CEMIP: variants seen among roughly 807,000 people sequenced by gnomAD.
The protein encoded by CEMIP is cell migration inducing hyaluronidase 1.
A neutral mutation model predicts 156.9 loss-of-function variants in CEMIP; 105 were observed. That is an observed-to-expected ratio of 0.67 (90% CI 0.57 to 0.79). The LOEUF (loss-of-function observed/expected upper bound fraction) is 0.79, where lower values mean the gene tolerates loss of function less well. Among genes scored for constraint, CEMIP ranks in the 30% least tolerant of loss-of-function variants. The pLI is 0.00. For synonymous variants in CEMIP, 676 were observed against 668.4 expected (o/e 1.01, Z -0.17); for missense variants, 1,457 against 1,769.4 (o/e 0.82, Z 3.17).
chr15:80,838,924 C>G (rs1181309915), intron 1 of CEMIP, among the ~76,000 whole-genome samples: 2 of 152,204 alleles, frequency 1.3e-5, no homozygotes, highest in South Asian at 2.1e-4. Context: ...GCCCTGCTTT[C>G]CCTGGACAGC....
chr15:80,914,322 A>C (rs1900181353), intron 14 of CEMIP, among the ~76,000 whole-genome samples: 1 of 152,160 alleles, frequency 6.6e-6, no homozygotes, highest in African/African-American at 2.4e-5. Flanking sequence ...AGAGAATGGG[A>C]GAAGATACCA....
At chr15:80,816,726 G>A (rs1287366487) in intron 1 of CEMIP, among the ~76,000 whole-genome samples, 1 of 152,130 alleles carries the variant, frequency 6.6e-6, no homozygotes, top group Non-Finnish European at 1.5e-5. Context: ...TGGGTCTCAG[G>A]ACGGGCACTG....
At chr15:80,859,545 T>A (rs1171198234) in intron 1 of CEMIP, among the ~76,000 whole-genome samples, 1 of 152,252 alleles carries the variant, frequency 6.6e-6, no homozygotes, top group East Asian at 1.9e-4. Flanking sequence ...ACAAGGCCCT[T>A]GTTTCCAGTT....
At chr15:80,928,756 T>C in intron 19 of CEMIP, 146 bp from the exon 20 acceptor site, 1 of 1,021,318 alleles carries the variant, frequency 9.8e-7, no homozygotes, top group Non-Finnish European at 1.5e-6. Flanking sequence ...CACAACTCCC[T>C]GAGCACGACT....
chr15:80,887,836 A>G, intron 8 of CEMIP, 72 bp downstream of exon 8: 1 of 1,249,282 alleles, frequency 8.0e-7, no homozygotes, highest in Non-Finnish European at 1.2e-6. Context: ...GGCTTTTCTG[A>G]ACATCTCACT....
chr15:80,871,239 C>A (rs149570288), intron 1 of CEMIP, among the ~76,000 whole-genome samples: 2 of 152,204 alleles, frequency 1.3e-5, no homozygotes, highest in Non-Finnish European at 2.9e-5. Flanking sequence ...CAAGAAGGCA[C>A]GGATGACCCC....
intron 14 of CEMIP, among the ~76,000 whole-genome samples, chr15:80,918,836 C>G (rs1394269445): frequency 6.6e-6 from 1 of 152,040 alleles, no homozygotes; most frequent in Non-Finnish European, 1.5e-5. Flanking sequence ...TGGGATTGGA[C>G]AGGGGGGTGG....
At chr15:80,839,289 A>AGAGTGTGTGTGTGTGT (rs1555429516) in intron 1 of CEMIP, among the ~76,000 whole-genome samples, 14 of 131,188 alleles carry the variant, frequency 1.1e-4, no homozygotes, top group African/African-American at 4.0e-4. Context: ...CAAGGCCGTG[A>AGAGTGTGTGTGTGTGT]GTGTGTGTGT....
rs1899598600 is a variant in CEMIP at position 80,902,305 on chromosome 15, C to A, written c.1412-4358C>A. Among the ~76,000 whole-genome samples the A allele has an allele frequency of 4.6e-5, 7 of 152,226 alleles. No individual in the cohort carries two copies. In the South Asian group the frequency reaches 1.4e-3, roughly 32 times the overall value. On this transcript the variant is annotated intron_variant, in intron 12 of 29. Transcript: ENST00000394685. ...GCTTCCCAGGCCTCCTCCCCGCTCACCCAGGTGCTCATGGCTCTTCTGGAT... is the reference window on the plus strand; with the variant it reads ...GCTTCCCAGGCCTCCTCCCCGCTCAACCAGGTGCTCATGGCTCTTCTGGAT...
At position 80,947,286 on chromosome 15, in the gene CEMIP, C is replaced by T. The variant is rs76575417; in HGVS notation, c.3958+221C>T. ...CTGCAGCAAATTTATTATAACTTGC[C>T]ACCAGCCACTGAAAGAAAATTGCTA... On this transcript the variant is annotated intron_variant, in intron 29 of 29. Transcript: ENST00000394685. 3,857 of 522,208 alleles carry T rather than the reference C, an allele frequency of 7.4e-3. 125 individuals are homozygous for T. The highest frequency in any genetic ancestry group is 0.065 in the African/African-American group (3,429 of 52,694). The allele number at this position is 522,208 out of a possible 1,614,324, so 32.3% of individuals were successfully genotyped here. A position where few individuals can be genotyped will look rare whatever the true frequency, so the allele number is the denominator to read the frequency against.
At position 80,937,887 on chromosome 15, in the gene CEMIP, C is replaced by T. The variant is rs762293479; in HGVS notation, c.3315C>T (p.Ser1105=). The T allele has an allele frequency of 3.7e-6, 6 of 1,614,088 alleles. No homozygotes were observed. The highest frequency in any genetic ancestry group is 5.1e-6 in the Non-Finnish European group (6 of 1,180,044). ...ACAATCGCCTGCTGAAGCAAACGTC[C>T]AAGACGGGCGTCTTCGTGAGGACCT... ...DVHNRLLKQT[S]KTGVFVRTLQ... is the part of the protein sequence containing the mutation. Residue 1105 remains serine, a synonymous_variant, in exon 25 of 30, where the codon TCC becomes TCT. Transcript: ENST00000394685.
intron 14 of CEMIP, among the ~76,000 whole-genome samples, chr15:80,910,736 G>C (rs1179465390): frequency 6.6e-6 from 1 of 152,186 alleles, no homozygotes; most frequent in Non-Finnish European, 1.5e-5. Flanking sequence ...GCTCAGTCAA[G>C]TGGAGAAACA....
chr15:80,819,373 G>A (rs1293121605), intron 1 of CEMIP, among the ~76,000 whole-genome samples: 1 of 152,138 alleles, frequency 6.6e-6, no homozygotes, highest in Non-Finnish European at 1.5e-5. Flanking sequence ...CTAGTGGATG[G>A]TCACTCTTAG....
At chr15:80,871,652 G>A (rs1212062081) in intron 1 of CEMIP, among the ~76,000 whole-genome samples, 3 of 152,168 alleles carry the variant, frequency 2.0e-5, no homozygotes, top group Non-Finnish European at 2.9e-5. Context: ...CCAAGGAAGG[G>A]CTCCTCTGAA....
intron 29 of CEMIP, 70 bp downstream of exon 29, chr15:80,947,135 C>A: frequency 1.0e-6 from 1 of 996,516 alleles, no homozygotes; most frequent in Non-Finnish European, 1.6e-6. Context: ...ATGGAGGGTG[C>A]TGTCATCTTT....
intron 1 of CEMIP, among the ~76,000 whole-genome samples, chr15:80,834,172 G>T (rs1158417807): frequency 6.6e-6 from 1 of 152,170 alleles, no homozygotes; most frequent in Non-Finnish European, 1.5e-5. Flanking sequence ...ATCACCCCCA[G>T]TTGAAAGCCA....
chr15:80,907,799 AC>A (rs1392400849), intron 13 of CEMIP, among the ~76,000 whole-genome samples: 1 of 152,260 alleles, frequency 6.6e-6, no homozygotes, highest in Non-Finnish European at 1.5e-5. Context: ...TGCTTAAGAT[AC>A]CCACAATTTC....
intron 1 of CEMIP, among the ~76,000 whole-genome samples, chr15:80,844,809 C>G (rs573897681): frequency 6.6e-6 from 1 of 152,166 alleles, no homozygotes; most frequent in South Asian, 2.1e-4. Context: ...GGGCATGGAG[C>G]AGGAGCAGGA....
At chr15:80,903,189 C>T (rs1273372219) in intron 12 of CEMIP, 5 of 152,194 alleles carry the variant, frequency 3.3e-5, no homozygotes, top group Non-Finnish European at 7.3e-5. Context: ...TCCTGGACAC[C>T]ATATTTTAAG....
Sources: gnomAD v4.1 joint callset for allele counts (sites outside exome capture counted in the v4.1 genomes callset) on GRCh38, gnomAD v4.1.1 for gene constraint, MANE v1.5 for transcripts, NCBI Gene and HGNC (gene_info 2026-07-23, HGNC 2026-07-21) for gene names.